The following SMOC1 variants were observed in gnomAD, a reference collection of about 807,000 sequenced individuals.
SMOC1 encodes SPARC related modular calcium binding 1, also known as SPARC-related modular calcium-binding protein 1.
SMOC1 carries 22 observed loss-of-function variants against 56.3 expected under a neutral mutation model. That is an observed-to-expected ratio of 0.39 (90% CI 0.28 to 0.56). SMOC1 has a LOEUF of 0.56. SMOC1 is among the 20% of genes least tolerant of loss of function. The pLI is 0.61. For missense variants in SMOC1, 509 were observed against 565.4 expected (o/e 0.90, Z 1.01); for synonymous variants, 193 against 215.0 (o/e 0.90, Z 0.89).
intron 3 of SMOC1, among the ~76,000 whole-genome samples, chr14:69,960,851 T>C (rs1163412262): frequency 2.0e-5 from 3 of 152,228 alleles, no homozygotes; most frequent in African/African-American, 7.2e-5. Context: ...GTTGGCAAAC[T>C]GTGGTCTGTG....
intron 1 of SMOC1, among the ~76,000 whole-genome samples, chr14:69,905,630 G>A (rs1316742578): frequency 5.9e-5 from 9 of 152,172 alleles, no homozygotes; most frequent in African/African-American, 1.2e-4. Flanking sequence ...GAGACCATGC[G>A]CATCTGAGTT....
chr14:69,905,768 C>A (rs1270264864), intron 1 of SMOC1, among the ~76,000 whole-genome samples: 1 of 152,102 alleles, frequency 6.6e-6, no homozygotes, highest in Non-Finnish European at 1.5e-5. Context: ...ATCAAAGATG[C>A]CTACTTGTTT....
intron 1 of SMOC1, among the ~76,000 whole-genome samples, chr14:69,898,424 C>T (rs1344771883): frequency 6.6e-6 from 1 of 151,952 alleles, no homozygotes; most frequent in Non-Finnish European, 1.5e-5. Flanking sequence ...ACATGTTATA[C>T]CTTTCATGGT....
chr14:69,925,246 G>A (rs1162424486), intron 1 of SMOC1, among the ~76,000 whole-genome samples: 1 of 139,000 alleles, frequency 7.2e-6, no homozygotes, highest in Admixed American at 7.1e-5. Context: ...GGGAAGCAGG[G>A]GAGGAGGGGA....
intron 3 of SMOC1, 41 bp downstream of exon 3, chr14:69,953,573 G>C (rs775088503): frequency 3.9e-6 from 6 of 1,554,736 alleles, no homozygotes; most frequent in Non-Finnish European, 3.6e-6. Context: ...TTCCTGGACC[G>C]AGGCAGAGGG....
chr14:69,959,022 A>T (rs559079500), intron 3 of SMOC1, among the ~76,000 whole-genome samples: 1 of 152,348 alleles, frequency 6.6e-6, no homozygotes, highest in African/African-American at 2.4e-5. Flanking sequence ...TAAGGTAGAA[A>T]GATTAAGCCA....
chr14:69,902,819 T>A (rs1884284307), intron 1 of SMOC1, among the ~76,000 whole-genome samples: 2 of 152,318 alleles, frequency 1.3e-5, no homozygotes, highest in East Asian at 3.9e-4. Flanking sequence ...GGGGTTTCGC[T>A]GTGTTGGCCG....
intron 4 of SMOC1, among the ~76,000 whole-genome samples, chr14:69,976,886 AAAAG>A (rs1186159777): frequency 6.6e-6 from 1 of 152,232 alleles, no homozygotes; most frequent in Non-Finnish European, 1.5e-5. Context: ...ACATGAAGGA[AAAAG>A]AAAGTGGAAA....
intron 5 of SMOC1, among the ~76,000 whole-genome samples, chr14:69,978,445 C>T (rs1293577222): frequency 6.6e-6 from 1 of 152,212 alleles, no homozygotes; most frequent in African/African-American, 2.4e-5. Context: ...GCTTTGTGGG[C>T]ATGCGACCTG....
intron 3 of SMOC1, among the ~76,000 whole-genome samples, chr14:69,955,965 G>A (rs6573919): frequency 0.34 from 52,235 of 151,914 alleles, 9,356 homozygotes; most frequent in African/African-American, 0.42. Flanking sequence ...TCCTGGGTGT[G>A]TTGGTTATAG....
At chr14:69,981,546 G>A (rs1310674620) in intron 5 of SMOC1, among the ~76,000 whole-genome samples, 1 of 152,072 alleles carries the variant, frequency 6.6e-6, no homozygotes, top group African/African-American at 2.4e-5. Flanking sequence ...TGGGAGAGGG[G>A]GACGGTGCAC....
chr14:69,952,322 G>T lies in SMOC1; in HGVS notation c.265+19G>T, dbSNP rs747800302. The T allele has an allele frequency of 1.2e-6, 2 of 1,613,486 alleles. No homozygotes were observed. Among genetic ancestry groups the T allele is most frequent in the South Asian group, 2.2e-5 (2 of 91,062 alleles). On this transcript the variant is annotated intron_variant, in intron 2 of 11. Transcript: ENST00000361956. ...TGCAAAGGTGAGTGTGTGCACCCCT[G>T]CCCAGCCAAGGAGAGGTTCCTGGGC...
intron 7 of SMOC1, among the ~76,000 whole-genome samples, chr14:70,010,107 TC>T (rs1385287553): frequency 1.3e-5 from 2 of 152,196 alleles, no homozygotes; most frequent in Admixed American, 6.5e-5. Flanking sequence ...GCAGACACCA[TC>T]CGGCTGGGCC....
intron 1 of SMOC1, among the ~76,000 whole-genome samples, chr14:69,884,177 A>T (rs1286158294): frequency 1.3e-5 from 2 of 152,130 alleles, no homozygotes; most frequent in Non-Finnish European, 2.9e-5. Context: ...AAGTGTTGGG[A>T]CTACAGGCGT....
At chr14:69,921,583 A>G (rs1246770205) in intron 1 of SMOC1, among the ~76,000 whole-genome samples, 1 of 152,062 alleles carries the variant, frequency 6.6e-6, no homozygotes, top group African/African-American at 2.4e-5. Flanking sequence ...AGTCTGCAAG[A>G]GGCGTGAAAG....
At chr14:69,892,771 A>G (rs1302193214) in intron 1 of SMOC1, among the ~76,000 whole-genome samples, 4 of 152,232 alleles carry the variant, frequency 2.6e-5, no homozygotes, top group Admixed American at 1.3e-4. Context: ...ATATATCTGT[A>G]AAAGTTTAGG....
At chr14:69,887,256 A>G (rs1883834661) in intron 1 of SMOC1, among the ~76,000 whole-genome samples, 1 of 151,394 alleles carries the variant, frequency 6.6e-6, no homozygotes, top group Non-Finnish European at 1.5e-5. Context: ...TAAAATTAAA[A>G]AAAAGTTTTT....
chr14:69,988,272 G>T (rs1884438017), intron 5 of SMOC1, among the ~76,000 whole-genome samples: 1 of 137,778 alleles, frequency 7.3e-6, no homozygotes, highest in African/African-American at 2.9e-5. Context: ...TAAGAAAAAG[G>T]ATAATCTTTG....
chr14:69,998,602 A>G (rs1282378867), intron 7 of SMOC1, among the ~76,000 whole-genome samples: 2 of 152,284 alleles, frequency 1.3e-5, no homozygotes, highest in East Asian at 1.9e-4. Context: ...TAATTTGACT[A>G]TGTGCAGGCA....
Sources: gnomAD v4.1 joint callset for allele counts (sites outside exome capture counted in the v4.1 genomes callset) on GRCh38, gnomAD v4.1.1 for gene constraint, MANE v1.5 for transcripts, NCBI Gene and HGNC (gene_info 2026-07-23, HGNC 2026-07-21) for gene names.